The following CSMD1 variants were observed in gnomAD, a reference collection of about 807,000 sequenced individuals.
CSMD1 encodes CUB and sushi domain-containing protein 1.
Under a neutral mutation model 417.5 loss-of-function variants are expected in CSMD1, and 213 were observed. The observed-to-expected ratio is 0.51, with a 90% CI of 0.46 to 0.57. CSMD1 has a LOEUF of 0.57. CSMD1 is among the 20% of genes least tolerant of loss of function. The pLI is 0.00. For missense variants in CSMD1, 6,923 were observed against 4,529.7 expected (o/e 1.53, Z -15.17); for synonymous variants, 2,862 against 1,736.8 (o/e 1.65, Z -16.11).
intron 49 of CSMD1, among the ~76,000 whole-genome samples, chr8:3,075,221 T>A (rs1335455497): frequency 2.0e-5 from 3 of 151,790 alleles, no homozygotes; most frequent in Non-Finnish European, 2.9e-5. Flanking sequence ...TAATTAAACC[T>A]CTTTTCTTTA....
intron 5 of CSMD1, among the ~76,000 whole-genome samples, chr8:3,958,996 C>A (rs531699979): frequency 2.0e-5 from 3 of 152,168 alleles, no homozygotes; most frequent in Non-Finnish European, 4.4e-5. Flanking sequence ...TTCTCCCATG[C>A]GTCTCCCTCC....
rs965282846 is a variant in CSMD1 at position 4,219,921 on chromosome 8, G to C, written c.416-187822C>G. ...CGATGTACTTGTAATATGATGGAGA[G>C]AATCACTCAAGATAATTTTTTAAAA... On this transcript the variant is annotated intron_variant, in intron 3 of 69. Coordinates refer to ENST00000635120, the MANE Select transcript of CSMD1 (RefSeq NM_033225.6). 2.6e-5 allele frequency among the ~76,000 whole-genome samples: 4 copies of C among 152,102 alleles called. No homozygotes were observed. In the East Asian group the frequency reaches 5.8e-4, roughly 22 times the overall value.
At chr8:3,354,740 C>G (rs1352764012) in intron 21 of CSMD1, among the ~76,000 whole-genome samples, 5 of 150,510 alleles carry the variant, frequency 3.3e-5, no homozygotes, top group Non-Finnish European at 7.4e-5. Context: ...TTTTTTAACC[C>G]AAAATTAAAT....
intron 8 of CSMD1, among the ~76,000 whole-genome samples, chr8:3,604,798 G>C (rs1801530837): frequency 6.6e-6 from 1 of 151,940 alleles, no homozygotes. Context: ...GGTATCCAAG[G>C]GCATCAACGT....
intron 5 of CSMD1, among the ~76,000 whole-genome samples, chr8:3,943,540 A>T (rs1386188637): frequency 2.0e-5 from 3 of 152,002 alleles, no homozygotes; most frequent in Non-Finnish European, 4.4e-5. Context: ...AGATTCAAAG[A>T]ATCTCTCAAA....
chr8:4,486,869 G>A (rs1287030776), intron 2 of CSMD1, among the ~76,000 whole-genome samples: 2 of 152,070 alleles, frequency 1.3e-5, no homozygotes, highest in Non-Finnish European at 2.9e-5. Flanking sequence ...AGCTCACAAT[G>A]TTGCACCTAA....
chr8:4,047,725 T>C (rs994333557), intron 3 of CSMD1, among the ~76,000 whole-genome samples: 3 of 152,088 alleles, frequency 2.0e-5, no homozygotes, highest in Admixed American at 1.3e-4. Context: ...TTTTAAATGC[T>C]ATGGAGAAAA....
chr8:4,557,778 T>C (rs1798161046), intron 2 of CSMD1, among the ~76,000 whole-genome samples: 1 of 152,160 alleles, frequency 6.6e-6, no homozygotes, highest in African/African-American at 2.4e-5. Flanking sequence ...GGCACGTAAG[T>C]CTCCGTGCCC....
rs1377300837 is a variant in CSMD1 at position 3,957,345 on chromosome 8, G to C, written c.818+40558C>G. Among the ~76,000 whole-genome samples the C allele has an allele frequency of 3.3e-5, 5 of 152,128 alleles. No individual in the cohort carries two copies. The East Asian group carries it at 7.7e-4, about 23-fold the overall frequency. Reference sequence around the variant, plus strand: ...TCATTCAACAAATATTTATGAGTGTGTTCTACGTGCTAGGCACCAAGGCAG... The same window carrying C: ...TCATTCAACAAATATTTATGAGTGTCTTCTACGTGCTAGGCACCAAGGCAG... On this transcript the variant is annotated intron_variant, in intron 5 of 69. Transcript: ENST00000635120.
At chr8:4,437,921 T>C (rs1241110058) in intron 2 of CSMD1, among the ~76,000 whole-genome samples, 2 of 152,194 alleles carry the variant, frequency 1.3e-5, no homozygotes, top group Non-Finnish European at 2.9e-5. Flanking sequence ...GGCTTGGACA[T>C]CAACCTGCTT....
At chr8:3,003,423 C>A (rs28385459) in intron 52 of CSMD1, among the ~76,000 whole-genome samples, 2 of 152,160 alleles carry the variant, frequency 1.3e-5, no homozygotes, top group Non-Finnish European at 2.9e-5. Context: ...GAAATGTAAT[C>A]AAGTTCATGC....
At chr8:3,108,232 T>C (rs561011788) in intron 44 of CSMD1, among the ~76,000 whole-genome samples, 14 of 152,254 alleles carry the variant, frequency 9.2e-5, no homozygotes, top group African/African-American at 3.1e-4. Context: ...TTAGAGTGCA[T>C]TCCCAGGATT....
chr8:4,818,702 AATC>A (rs1273974567), intron 1 of CSMD1, among the ~76,000 whole-genome samples: 1 of 152,228 alleles, frequency 6.6e-6, no homozygotes, highest in African/African-American at 2.4e-5. Context: ...ATGAAAAAAC[AATC>A]ATCATGTAGC....
intron 1 of CSMD1, among the ~76,000 whole-genome samples, chr8:4,755,968 A>T (rs1811641743): frequency 6.6e-6 from 1 of 152,248 alleles, no homozygotes; most frequent in South Asian, 2.1e-4. Context: ...TATTAACAAA[A>T]TCAAACTATA....
chr8:3,714,830 A>T (rs937050697), intron 6 of CSMD1, among the ~76,000 whole-genome samples: 1 of 152,166 alleles, frequency 6.6e-6, no homozygotes, highest in Admixed American at 6.5e-5. Flanking sequence ...GATAAAAATT[A>T]AACTGTTCTT....
intron 5 of CSMD1, among the ~76,000 whole-genome samples, chr8:3,892,266 T>C (rs1807025837): frequency 6.6e-6 from 1 of 152,104 alleles, no homozygotes; most frequent in African/African-American, 2.4e-5. Flanking sequence ...CATTCAATAA[T>C]CCAGCACAAA....
At chr8:3,127,770 TC>T (rs952661212) in intron 41 of CSMD1, 43 of 151,964 alleles carry the variant, frequency 2.8e-4, no homozygotes, top group Non-Finnish European at 3.8e-4. Context: ...AAGTTTTCTT[TC>T]CCAAAAAAGT....
rs539632510 is a variant in CSMD1, at chr8:4,209,432, C to A, written c.416-177333G>T. ...TGTGGAATTGTATGAGGTGTGAACT[C>A]CTCATCAAGCCAAGTGAGGACATTG... On this transcript the variant is annotated intron_variant, in intron 3 of 69. Transcript: ENST00000635120. Among the ~76,000 whole-genome samples the A allele has an allele frequency of 3.7e-4, 56 of 152,276 alleles. 1 individual carries two copies. In the South Asian group the frequency reaches 0.012, roughly 32 times the overall value.
chr8:4,319,767 C>T (rs76746055), intron 3 of CSMD1, among the ~76,000 whole-genome samples: 5 of 151,870 alleles, frequency 3.3e-5, no homozygotes, highest in East Asian at 1.9e-4. Context: ...CTAGAGTTGC[C>T]GGGCAAAATA....
Sources: gnomAD v4.1 joint callset for allele counts (sites outside exome capture counted in the v4.1 genomes callset) on GRCh38, gnomAD v4.1.1 for gene constraint, MANE v1.5 for transcripts, NCBI Gene and HGNC (gene_info 2026-07-23, HGNC 2026-07-21) for gene names.